MYH3: variants seen among roughly 807,000 people sequenced by gnomAD.
The protein encoded by MYH3 is myosin heavy chain 3.
Under a neutral mutation model 238.0 loss-of-function variants are expected in MYH3, and 130 were observed. The ratio of observed to expected loss-of-function variants is 0.55; its 90% CI spans 0.47 to 0.63. The LOEUF is 0.63. Among genes scored for constraint, MYH3 ranks in the 30% least tolerant of loss-of-function variants. The pLI is 0.00. For synonymous variants in MYH3, 880 were observed against 924.1 expected (o/e 0.95, Z 0.86); for missense variants, 1,853 against 2,374.9 (o/e 0.78, Z 4.57).
At position 10,650,386 on chromosome 17, in the gene MYH3, G is replaced by C. The variant is rs2074363536; in HGVS notation, c.521C>G (p.Ser174Cys). Residue 174 changes from serine (S) to cysteine (C), a missense_variant, in exon 6 of 41, where the codon TCC becomes TGC. Around this residue, in one of 3 missense-constraint regions of MYH3, gnomAD observed 678 missense variants for 1,058.9 expected, o/e 0.64. Transcript: ENST00000583535. ...QFMLTDRENQSILITGESGAG... is the reference protein window; with the variant it reads ...QFMLTDRENQCILITGESGAG... The stretch of plus-strand genomic sequence containing the variant: ...CATGGATACTTACGTGATCAGAATG[G>C]ACTGGTTTTCACGATCTGCCAGAGG... The C allele has an allele frequency of 6.2e-7, 1 of 1,612,758 alleles. No homozygotes were observed. The highest frequency in any genetic ancestry group is 8.5e-7 in the Non-Finnish European group (1 of 1,178,836).
rs1567550226 is a variant in MYH3 at position 10,629,590 on chromosome 17, G to T, written c.5796+7C>A. 6.2e-7 allele frequency: 1 copy of T among 1,612,786 alleles called. No homozygotes were observed. The highest frequency in any genetic ancestry group is 1.1e-5 in the South Asian group (1 of 90,984). On this transcript the variant is annotated splice_region_variant and intron_variant, in intron 40 of 40. Coordinates refer to ENST00000583535, the MANE Select transcript of MYH3 (RefSeq NM_002470.4). ...GGGGGGGGGCTCCTCCCAGCTCAGCGACTCACCCTGCTGGAGGTGAAGTCT... is the reference window on the plus strand; with the variant it reads ...GGGGGGGGGCTCCTCCCAGCTCAGCTACTCACCCTGCTGGAGGTGAAGTCT...
rs1290929173 is a variant in MYH3 at position 10,635,038 on chromosome 17, A to C, written c.4173-15T>G. On this transcript the variant is annotated splice_polypyrimidine_tract_variant and intron_variant, in intron 30 of 40. Transcript: ENST00000583535. Reference sequence around the variant, plus strand: ...CAAGTTTTTTCCTTAAAGAATATGAAAGAGAAGCAGCTGTTATTTCAGTTT... The same window carrying C: ...CAAGTTTTTTCCTTAAAGAATATGACAGAGAAGCAGCTGTTATTTCAGTTT... 2 of 1,612,608 alleles carry C rather than the reference A, an allele frequency of 1.2e-6. No individual in the cohort carries two copies. The highest frequency in any genetic ancestry group is 1.7e-6 in the Non-Finnish European group (2 of 1,178,842).
chr17:10,665,117 C>T, the MYH3 span, among the ~76,000 whole-genome samples: 1 of 151,330 alleles, frequency 6.6e-6, no homozygotes, highest in Non-Finnish European at 1.5e-5. Flanking sequence ...TAAGCCATAA[C>T]CTTTATTTAT....
the MYH3 span, among the ~76,000 whole-genome samples, chr17:10,664,494 A>G: frequency 6.6e-6 from 1 of 152,200 alleles, no homozygotes; most frequent in East Asian, 1.9e-4. Context: ...TTATGACATA[A>G]GCTGGAAAGT....
At chr17:10,631,320 C>T (rs2074154457) in intron 36 of MYH3, among the ~76,000 whole-genome samples, 1 of 152,246 alleles carries the variant, frequency 6.6e-6, no homozygotes, top group African/African-American at 2.4e-5. Flanking sequence ...GGGATATTAA[C>T]ACCTCAGGTT....
intron 28 of MYH3, among the ~76,000 whole-genome samples, chr17:10,636,493 G>A (rs1359669856): frequency 6.6e-6 from 1 of 152,088 alleles, no homozygotes; most frequent in African/African-American, 2.4e-5. Context: ...AATACTTAGA[G>A]CTTTATATCT....
At chr17:10,671,599 G>C in the MYH3 span, among the ~76,000 whole-genome samples, 1 of 104,456 alleles carries the variant, frequency 9.6e-6, no homozygotes, top group Non-Finnish European at 1.8e-5. Flanking sequence ...TTTTTTTTGA[G>C]ACAGAGTCTA....
chr17:10,672,799 A>G, the MYH3 span: 1 of 152,180 alleles, frequency 6.6e-6, no homozygotes, highest in Non-Finnish European at 1.5e-5. Flanking sequence ...GATCTGAGTC[A>G]TTATTACATT....
the MYH3 span, among the ~76,000 whole-genome samples, chr17:10,669,042 AT>A: frequency 6.6e-6 from 1 of 152,156 alleles, no homozygotes; most frequent in African/African-American, 2.4e-5. Context: ...AGGTGGAATT[AT>A]CCCCACTTGA....
At position 10,635,349 on chromosome 17, in the gene MYH3, G is replaced by T. The variant is rs2074203769; in HGVS notation, c.4172+18C>A. On this transcript the variant is annotated intron_variant, in intron 30 of 40. Transcript: ENST00000583535. The stretch of plus-strand genomic sequence containing the variant: ...TCATTCCTAAGTAGTTCTTCTAAAA[G>T]CAAACAGAGCTGCGCACTTGGCCTC... The T allele has an allele frequency of 3.7e-6, 6 of 1,614,026 alleles. No homozygotes were observed. The highest frequency in any genetic ancestry group is 4.2e-6 in the Non-Finnish European group (5 of 1,179,872).
chr17:10,643,102 G>A (rs1164800088), intron 14 of MYH3, 106 bp from the exon 15 acceptor site: 39 of 1,583,358 alleles, frequency 2.5e-5, no homozygotes, highest in Non-Finnish European at 2.5e-5. Context: ...ACACATTAAT[G>A]CTTTCAAATA....
At chr17:10,632,415 A>T in intron 34 of MYH3, 61 bp downstream of exon 34, 3 of 1,562,918 alleles carry the variant, frequency 1.9e-6, no homozygotes, top group Non-Finnish European at 2.6e-6. Flanking sequence ...CACTGTGCCC[A>T]GCCTACATTT....
Position 10,642,375 on chromosome 17 carries a change from C to A in MYH3, c.1888+42G>T. The A allele has an allele frequency of 6.2e-7, 1 of 1,614,032 alleles. No individual in the cohort carries two copies. The highest frequency in any genetic ancestry group is 8.5e-7 in the Non-Finnish European group (1 of 1,179,906). On this transcript the variant is annotated intron_variant, in intron 16 of 40. Coordinates refer to ENST00000583535, the MANE Select transcript of MYH3 (RefSeq NM_002470.4). The surrounding 1 kb of genome is among the most constrained non-coding windows in gnomAD (Gnocchi z 5.4). ...TAAAAGGTTTTTTGTTACTGTGGAA[C>A]AAATGGAGGGAAATCACATGGACAC...
At chr17:10,648,833 GC>G (rs2142416948) in intron 7 of MYH3, among the ~76,000 whole-genome samples, 184 bp from the exon 8 acceptor site, 2 of 152,160 alleles carry the variant, frequency 1.3e-5, no homozygotes, top group South Asian at 4.2e-4. Context: ...GCACTACCAT[GC>G]CCGGCTAATT....
At chr17:10,644,848 A>C (rs966780956) in intron 12 of MYH3, 146 bp from the exon 13 acceptor site, 7 of 716,298 alleles carry the variant, frequency 9.8e-6, no homozygotes, top group South Asian at 9.1e-5. Context: ...ATGGAAGCTA[A>C]GTCACTCAGA....
rs2074116069 is a variant in MYH3, at chr17:10,628,553, T to C, written c.*100A>G. The C allele has an allele frequency of 7.4e-7, 1 of 1,350,492 alleles. No individual in the cohort carries two copies. Among genetic ancestry groups the C allele is most frequent in the Admixed American group, 1.7e-5 (1 of 59,602 alleles). The allele number at this position is 1,350,492 out of a possible 1,614,324, so 83.7% of individuals were successfully genotyped here. ...CAGATTGAAACAAAGCAAAGTTTAT[T>C]GCATGTGAAAAAGAGTCACATGGAC... On this transcript the variant is annotated 3_prime_UTR_variant, in exon 41 of 41. Transcript: ENST00000583535.
At chr17:10,655,575 C>T (rs2074420457) in intron 2 of MYH3, among the ~76,000 whole-genome samples, 1 of 152,176 alleles carries the variant, frequency 6.6e-6, no homozygotes, top group East Asian at 1.9e-4. Context: ...CCTTGGGTTG[C>T]TAAGAACAAA....
Position 10,635,783 on chromosome 17 carries a change from A to G in MYH3, c.3927T>C (p.Phe1309=), listed in dbSNP as rs1393615001. 2 of 1,614,050 alleles carry G rather than the reference A, an allele frequency of 1.2e-6. No homozygotes were observed. The highest frequency in any genetic ancestry group is 1.3e-5 in the African/African-American group (1 of 74,904). ...TCTTGAGCTCTTCTGTTTGCTGGGT[A>G]AAGGCTTGCTTGCTCCTGGAAAGTT... The part of the protein sequence containing the change: ...VSQLSRSKQA[F]TQQTEELKRQ... Residue 1309 remains phenylalanine (F), a synonymous_variant, in exon 29 of 41, where the codon TTT becomes TTC. Coordinates refer to ENST00000583535, the MANE Select transcript of MYH3 (RefSeq NM_002470.4).
chr17:10,629,927 T>C lies in MYH3; in HGVS notation c.5573A>G (p.Asp1858Gly), dbSNP rs1401814776. 16 of 1,614,126 alleles carry C rather than the reference T, an allele frequency of 9.9e-6. No homozygotes were observed. Among genetic ancestry groups the C allele is most frequent in the Non-Finnish European group, 1.4e-5 (16 of 1,179,992 alleles). ...CTGCAATCTCAGCACATTCTTCCTG[T>C]CCTCTTCACTCTAAGAATGAGAAAG... ...VKELTYQSEE[D>G]RKNVLRLQDL... Residue 1858 changes from aspartate (D) to glycine (G), a missense_variant, in exon 39 of 41, where the codon GAC becomes GGC. By Grantham distance (94) the Asp-to-Gly change is moderately conservative. This residue lies in a region of MYH3 where 1,044 missense variants were observed against 1,192.6 expected (regional missense o/e 0.88). Transcript: ENST00000583535.
Sources: allele counts gnomAD v4.1 joint callset (sites outside exome capture counted in the v4.1 genomes callset), GRCh38; gene constraint gnomAD v4.1.1; regional missense constraint gnomAD v4.1.1; non-coding constraint Gnocchi (gnomAD v3.1); transcripts MANE v1.5; gene names NCBI Gene and HGNC (gene_info 2026-07-23, HGNC 2026-07-21).